DPF1: variants seen among roughly 807,000 people sequenced by gnomAD.
DPF1 encodes the protein double PHD fingers 1.
DPF1 carries 14 observed loss-of-function variants against 58.7 expected under a neutral mutation model. That is an observed-to-expected ratio of 0.24 (90% CI 0.16 to 0.37). DPF1 has a LOEUF of 0.37. DPF1 is among the 10% of genes least tolerant of loss of function. The probability of loss-of-function intolerance (pLI) is 1.00; values close to 1 mark genes in which losing one functional copy is unlikely to be tolerated. For missense variants in DPF1, 345 were observed against 529.9 expected (o/e 0.65, Z 3.43); for synonymous variants, 216 against 216.0 (o/e 1.00, Z 0.00).
Position 38,222,230 on chromosome 19 carries a change from A to C in DPF1, c.298+127T>G. 3.7e-6 allele frequency: 3 copies of C among 818,672 alleles called. No individual in the cohort carries two copies. The East Asian group carries it at 8.6e-5, about 24-fold the overall frequency. 50.7% of individuals were successfully genotyped at this position (818,672 alleles called of 1,614,324 possible). The stretch of plus-strand genomic sequence containing the variant: ...AATCTCTGGGAAACACCCGGGACGC[A>C]CATGGGCAGACAGACACACAGCCAG... On this transcript the variant is annotated intron_variant, in intron 3 of 11. Coordinates refer to ENST00000355526, the MANE Select transcript of DPF1 (RefSeq NM_001135155.3). The surrounding 1 kb of genome is among the most constrained non-coding windows in gnomAD (Gnocchi z 4.9).
rs1454326409 is a variant in DPF1 at position 38,217,896 on chromosome 19, T to G, written c.517-20A>C. The stretch of plus-strand genomic sequence containing the variant: ...ATATGCCTGTGGGGAGAGTCAGGAG[T>G]GAGGGGCCAAGAAAGTGAGAAAACA... On this transcript the variant is annotated intron_variant, in intron 5 of 11. Coordinates refer to ENST00000355526, the MANE Select transcript of DPF1 (RefSeq NM_001135155.3). 1 of 1,612,540 alleles carries G rather than the reference T, an allele frequency of 6.2e-7. No individual in the cohort carries two copies. Among genetic ancestry groups the G allele is most frequent in the Admixed American group, 1.7e-5 (1 of 59,874 alleles).
intron 7 of DPF1, among the ~76,000 whole-genome samples, chr19:38,217,123 C>T (rs949723480): frequency 6.6e-6 from 1 of 152,162 alleles, no homozygotes; most frequent in African/African-American, 2.4e-5. Flanking sequence ...CCAAGGGCTC[C>T]CAGGCCACAG....
upstream of DPF1, among the ~76,000 whole-genome samples, chr19:38,224,773 CAGGTTAGAAACAGT>C (rs1407882246): frequency 6.6e-6 from 1 of 152,208 alleles, no homozygotes; most frequent in Non-Finnish European, 1.5e-5. This position sits in a 1 kb window ranked among gnomAD's most constrained non-coding sequence, Gnocchi z 4.5. Context: ...AGCAGCAGTG[CAGGTTAGAAACAGT>C]AGTCACACCT....
chr19:38,220,292 GAGAGAGAAAGAAAGAGAAAGAA>G (rs1026634359), intron 3 of DPF1, among the ~76,000 whole-genome samples: 11 of 147,820 alleles, frequency 7.4e-5, no homozygotes, highest in Non-Finnish European at 1.6e-4. Flanking sequence ...GAAAAAGAGA[GAGAGAGAAAGAAAGAGAAAGAA>G]AGAAAGAAAG....
chr19:38,227,595 A>G (rs991894507), upstream of DPF1, among the ~76,000 whole-genome samples: 5 of 152,176 alleles, frequency 3.3e-5, no homozygotes, highest in African/African-American at 4.8e-5. Flanking sequence ...ATAAATCAAT[A>G]TTGATACTAC....
At position 38,229,253 on chromosome 19, in the gene DPF1, T is replaced by A. The variant is rs1397936489; in HGVS notation, c.-132+306A>T. On this transcript the variant is annotated intron_variant, in intron 1 of 11. Transcript: ENST00000412732. The surrounding 1 kb of genome is among the most constrained non-coding windows in gnomAD (Gnocchi z 5.3). ...ACCTCCGGAGACCCTGAGGGAGAGATGGAGGAGAGGGAAACCCCTACCCCC... is the reference window on the plus strand; with the variant it reads ...ACCTCCGGAGACCCTGAGGGAGAGAAGGAGGAGAGGGAAACCCCTACCCCC... 6.6e-6 allele frequency among the ~76,000 whole-genome samples: 1 copy of A among 151,492 alleles called. No homozygotes were observed. The highest frequency in any genetic ancestry group is 2.4e-5 in the African/African-American group (1 of 41,198).
chr19:38,213,856 T>A, intron 9 of DPF1, 100 bp from the exon 10 acceptor site: 3 of 997,958 alleles, frequency 3.0e-6, no homozygotes, highest in Non-Finnish European at 3.0e-6. Flanking sequence ...CCCTGGCTCA[T>A]GACGCCAGGA....
intron 9 of DPF1, among the ~76,000 whole-genome samples, chr19:38,215,273 C>G (rs1966933037): frequency 6.6e-6 from 1 of 151,428 alleles, no homozygotes; most frequent in African/African-American, 2.4e-5. Flanking sequence ...GGCAGATCAC[C>G]TGAGGTCAGG....
In DPF1 at chr19:38,212,149, A is replaced by T; in HGVS notation, c.1094-16T>A. The T allele has an allele frequency of 6.2e-7, 1 of 1,606,748 alleles. No homozygotes were observed. The highest frequency in any genetic ancestry group is 1.1e-5 in the South Asian group (1 of 89,614). On this transcript the variant is annotated splice_polypyrimidine_tract_variant and intron_variant, in intron 11 of 11. Transcript: ENST00000355526. ...CTCCAGCTCCCTGCGGGGGCAGCCG[A>T]AGCTGAAGTCAGGCCCGGGTCCGGG... is the stretch of plus-strand genomic sequence containing the variant.
intron 9 of DPF1, among the ~76,000 whole-genome samples, chr19:38,214,572 C>T (rs1303669131): frequency 6.6e-6 from 1 of 152,206 alleles, no homozygotes; most frequent in Admixed American, 6.5e-5. Context: ...GCGAGCTCAT[C>T]CTGCTACCGG....
chr19:38,216,657 G>T (rs1865066), intron 7 of DPF1: 199,962 of 382,528 alleles, frequency 0.52, 54,866 homozygotes, highest in East Asian at 0.76. Context: ...CCAACTCCTG[G>T]CCTCCAGTGA....
chr19:38,222,289 G>T lies in DPF1; in HGVS notation c.298+68C>A. The T allele has an allele frequency of 7.4e-7, 1 of 1,342,674 alleles. No homozygotes were observed. The highest frequency in any genetic ancestry group is 1.0e-6 in the Non-Finnish European group (1 of 972,108). The allele number at this position is 1,342,674 out of a possible 1,614,324, so 83.2% of individuals were successfully genotyped here. A position where few individuals can be genotyped will look rare whatever the true frequency, so the allele number is the denominator to read the frequency against. On this transcript the variant is annotated intron_variant, in intron 3 of 11. Coordinates refer to ENST00000355526, the MANE Select transcript of DPF1 (RefSeq NM_001135155.3). This position sits in a 1 kb window ranked among gnomAD's most constrained non-coding sequence, Gnocchi z 4.9. ...ACACTTGCTAGAAGGCGATAAAGGT[G>T]ATGGACGAGTGCTAGGACACACAGC...
At chr19:38,226,164 G>A (rs913341939), upstream of DPF1, among the ~76,000 whole-genome samples, 4 of 151,598 alleles carry the variant, frequency 2.6e-5, no homozygotes, top group East Asian at 2.0e-4. Context: ...GACTCCACCC[G>A]AAGAGATCCC....
Position 38,222,221 on chromosome 19 carries a change from C to T in DPF1, c.298+136G>A, listed in dbSNP as rs1967537315. The T allele has an allele frequency of 2.7e-6, 2 of 745,524 alleles. No homozygotes were observed. Among genetic ancestry groups the T allele is most frequent in the Non-Finnish European group, 4.3e-6 (2 of 467,224 alleles). The allele number at this position is 745,524 out of a possible 1,614,324, so 46.2% of individuals were successfully genotyped here. On this transcript the variant is annotated intron_variant, in intron 3 of 11. Coordinates refer to ENST00000355526, the MANE Select transcript of DPF1 (RefSeq NM_001135155.3). This position sits in a 1 kb window ranked among gnomAD's most constrained non-coding sequence, Gnocchi z 4.9. ...AAACTGTGGAATCTCTGGGAAACAC[C>T]CGGGACGCACATGGGCAGACAGACA... is the stretch of plus-strand genomic sequence containing the variant.
chr19:38,226,993 T>TTCCTTCCTTCCTTC, upstream of DPF1, among the ~76,000 whole-genome samples: 1 of 71,714 alleles, frequency 1.4e-5, no homozygotes, highest in South Asian at 4.7e-4. Flanking sequence ...CTTTTATTTC[T>TTCCTTCCTTCCTTC]CTTCCTTCCT....
At chr19:38,220,212 GAAAA>G (rs1345602705) in intron 3 of DPF1, among the ~76,000 whole-genome samples, 6 of 120,426 alleles carry the variant, frequency 5.0e-5, no homozygotes, top group Non-Finnish European at 8.9e-5. Context: ...GGAAAGAAAA[GAAAA>G]AGAAAGAGAG....
Position 38,224,038 on chromosome 19 carries a change from C to T in DPF1, c.29+76G>A. 1 of 1,433,492 alleles carries T rather than the reference C, an allele frequency of 7.0e-7. No individual in the cohort carries two copies. Among genetic ancestry groups the T allele is most frequent in the Non-Finnish European group, 9.1e-7 (1 of 1,100,390 alleles). 88.8% of individuals were successfully genotyped at this position (1,433,492 alleles called of 1,614,324 possible). ...CCCCCAGACACCCCTTCGGCCCCAC[C>T]CCCGGTCGCCACACACACACAGGCC... On this transcript the variant is annotated intron_variant, in intron 1 of 11. Transcript: ENST00000355526. The surrounding 1 kb of genome is among the most constrained non-coding windows in gnomAD (Gnocchi z 4.5).
chr19:38,217,287 T>G, intron 7 of DPF1, 173 bp downstream of exon 7: 2 of 798,786 alleles, frequency 2.5e-6, no homozygotes, highest in Non-Finnish European at 3.9e-6. Flanking sequence ...GGAGCGATGG[T>G]TGGTTGCCAT....
At chr19:38,228,971 G>A (rs778970446), upstream of DPF1, among the ~76,000 whole-genome samples, 2 of 151,946 alleles carry the variant, frequency 1.3e-5, no homozygotes, top group East Asian at 3.9e-4. Flanking sequence ...GGGATGCCGC[G>A]GTCCAGACTG....
Sources: gnomAD v4.1 joint callset for allele counts (sites outside exome capture counted in the v4.1 genomes callset) on GRCh38, gnomAD v4.1.1 for gene constraint, Gnocchi (gnomAD v3.1) non-coding constraint, MANE v1.5 for transcripts, NCBI Gene and HGNC (gene_info 2026-07-23, HGNC 2026-07-21) for gene names.